PRKN: variants seen among roughly 807,000 people sequenced by gnomAD.
PRKN encodes the protein parkin RBR E3 ubiquitin protein ligase.
PRKN carries 56 observed loss-of-function variants against 59.5 expected under a neutral mutation model. The ratio of observed to expected loss-of-function variants is 0.94; its 90% CI spans 0.76 to 1.18. The LOEUF is 1.18. Ranked by LOEUF, PRKN falls within the 50% of genes most tolerant of loss-of-function variation. The probability of loss-of-function intolerance (pLI) is 0.00; values close to 1 mark genes in which losing one functional copy is unlikely to be tolerated. For synonymous variants in PRKN, 250 were observed against 222.1 expected (o/e 1.13, Z -1.12); for missense variants, 657 against 596.4 (o/e 1.10, Z -1.06).
intron 3 of PRKN, among the ~76,000 whole-genome samples, chr6:162,224,335 G>A (rs528164424): frequency 1.2e-4 from 19 of 152,126 alleles, no homozygotes; most frequent in Non-Finnish European, 2.6e-4. Flanking sequence ...ATTTCCTGTA[G>A]TATTCAGTCC....
chr6:162,593,805 G>A (rs1359523250), intron 1 of PRKN, among the ~76,000 whole-genome samples: 2 of 152,098 alleles, frequency 1.3e-5, no homozygotes, highest in African/African-American at 2.4e-5. Flanking sequence ...GGCTAATGTC[G>A]CTTTTGTTAA....
chr6:162,655,241 T>C (rs1036734338), intron 1 of PRKN, among the ~76,000 whole-genome samples: 5 of 152,282 alleles, frequency 3.3e-5, no homozygotes, highest in African/African-American at 1.2e-4. Flanking sequence ...TTATCCGCCA[T>C]GAAGTCTATA....
chr6:161,750,520 C>A (rs942086921), intron 7 of PRKN, among the ~76,000 whole-genome samples: 1 of 152,018 alleles, frequency 6.6e-6, no homozygotes, highest in African/African-American at 2.4e-5. Flanking sequence ...GTAATCCCAG[C>A]ACTTGGGGAG....
At chr6:161,662,429 G>A (rs1197589793) in intron 7 of PRKN, among the ~76,000 whole-genome samples, 2 of 152,182 alleles carry the variant, frequency 1.3e-5, no homozygotes, top group African/African-American at 4.8e-5. Flanking sequence ...ATTTTTATTT[G>A]CTCATTTATC....
At chr6:162,275,222 A>T (rs1389427451) in intron 2 of PRKN, 1 of 151,468 alleles carries the variant, frequency 6.6e-6, no homozygotes, top group Non-Finnish European at 1.5e-5. Flanking sequence ...CCTGAGTCTG[A>T]CTACATTTGG....
chr6:161,415,003 G>A (rs1429882462), intron 9 of PRKN, among the ~76,000 whole-genome samples: 2 of 152,200 alleles, frequency 1.3e-5, no homozygotes, highest in Non-Finnish European at 2.9e-5. Context: ...ATTCTGCGGA[G>A]CGTCACCTGG....
intron 1 of PRKN, among the ~76,000 whole-genome samples, chr6:162,658,626 A>C (rs1428694032): frequency 2.1e-5 from 3 of 143,488 alleles, no homozygotes; most frequent in Non-Finnish European, 4.5e-5. Context: ...GTGCCATTGC[A>C]CTACAGCCTG....
intron 2 of PRKN, among the ~76,000 whole-genome samples, chr6:162,377,500 G>A (rs946142131): frequency 1.3e-5 from 2 of 152,204 alleles, no homozygotes; most frequent in Non-Finnish European, 2.9e-5. Context: ...TCTGGGTGCA[G>A]ACTAAAATTC....
chr6:161,796,217 T>C (rs533246165), intron 6 of PRKN, among the ~76,000 whole-genome samples: 1 of 152,346 alleles, frequency 6.6e-6, no homozygotes, highest in South Asian at 2.1e-4. Flanking sequence ...TTTAGTCTAA[T>C]TTGTGTATTG....
chr6:162,236,739 G>A (rs1309973871), intron 3 of PRKN, among the ~76,000 whole-genome samples: 1 of 152,024 alleles, frequency 6.6e-6, no homozygotes, highest in East Asian at 1.9e-4. Flanking sequence ...AGGTTGCAGT[G>A]AGCCGAGATT....
chr6:162,355,096 T>C (rs1252398309), intron 2 of PRKN, among the ~76,000 whole-genome samples: 1 of 151,932 alleles, frequency 6.6e-6, no homozygotes, highest in African/African-American at 2.4e-5. Flanking sequence ...GGTTTGAATT[T>C]CTCTTTAAAA....
At chr6:162,097,318 ATGTGTCT>A (rs1779788305) in intron 4 of PRKN, among the ~76,000 whole-genome samples, 1 of 152,222 alleles carries the variant, frequency 6.6e-6, no homozygotes, top group African/African-American at 2.4e-5. Flanking sequence ...AACACATATT[ATGTGTCT>A]TGTGTTCAAG....
At position 162,109,150 on chromosome 6, in the gene PRKN, C is replaced by A. The variant is rs372355309; in HGVS notation, c.535-54976G>T. ...CAAGTGTTGCCATGGCAATGGGAAA[C>A]TGACACAGCACCCTGGTGGGTGTGT... On this transcript the variant is annotated intron_variant, in intron 4 of 11. Coordinates refer to ENST00000366898, the MANE Select transcript of PRKN (RefSeq NM_004562.3). 2.0e-5 allele frequency among the ~76,000 whole-genome samples: 3 copies of A among 152,306 alleles called. No individual in the cohort carries two copies. The East Asian group carries it at 5.8e-4, about 29-fold the overall frequency.
At chr6:162,034,518 G>T (rs1783767321) in intron 5 of PRKN, among the ~76,000 whole-genome samples, 1 of 152,166 alleles carries the variant, frequency 6.6e-6, no homozygotes, top group African/African-American at 2.4e-5. Context: ...ATCTGTTTTT[G>T]CATAAAGTTT....
rs1786377299 is a variant in PRKN, at chr6:161,388,778, A to T, written c.1084-1901T>A. On this transcript the variant is annotated intron_variant, in intron 9 of 11. Coordinates refer to ENST00000366898, the MANE Select transcript of PRKN (RefSeq NM_004562.3). The surrounding 1 kb of genome is among the most constrained non-coding windows in gnomAD (Gnocchi z 4.3). ...AAGCTCAACAGCCCATGGGAGCCCC[A>T]CATGGAGAAGAGCTGCGGCCTCAGC... Among the ~76,000 whole-genome samples, 2 of 152,198 alleles carry T rather than the reference A, an allele frequency of 1.3e-5. No homozygotes were observed. Among genetic ancestry groups the T allele is most frequent in the Non-Finnish European group, 2.9e-5 (2 of 68,024 alleles).
intron 1 of PRKN, among the ~76,000 whole-genome samples, chr6:162,664,259 T>C (rs571717994): frequency 6.6e-6 from 1 of 152,216 alleles, no homozygotes; most frequent in Non-Finnish European, 1.5e-5. Flanking sequence ...TTCCATGGTG[T>C]ATACGTACCG....
At chr6:162,572,872 A>G (rs527875622) in intron 1 of PRKN, among the ~76,000 whole-genome samples, 3 of 143,800 alleles carry the variant, frequency 2.1e-5, no homozygotes, top group Non-Finnish European at 4.6e-5. Flanking sequence ...AACAAACAAA[A>G]CCCCCTGGGG....
intron 3 of PRKN, among the ~76,000 whole-genome samples, chr6:162,219,404 T>G (rs950622553): frequency 6.6e-6 from 1 of 152,188 alleles, no homozygotes; most frequent in African/African-American, 2.4e-5. Context: ...TACTGTTCAT[T>G]ATTGGCTTTA....
chr6:162,693,680 T>C (rs1306570838), intron 1 of PRKN, among the ~76,000 whole-genome samples: 1 of 152,162 alleles, frequency 6.6e-6, no homozygotes, highest in Non-Finnish European at 1.5e-5. Flanking sequence ...CAAAGATCCT[T>C]CAAAATATTC....
Sources: allele counts gnomAD v4.1 joint callset (sites outside exome capture counted in the v4.1 genomes callset), GRCh38; gene constraint gnomAD v4.1.1; non-coding constraint Gnocchi (gnomAD v3.1); transcripts MANE v1.5; gene names NCBI Gene and HGNC (gene_info 2026-07-23, HGNC 2026-07-21).